KCNN2: variants seen among roughly 807,000 people sequenced by gnomAD.
KCNN2 encodes the protein potassium calcium-activated channel subfamily N member 2.
In KCNN2, 24 loss-of-function variants were observed where a neutral mutation model predicts 55.5. The ratio of observed to expected loss-of-function variants is 0.43; its 90% CI spans 0.31 to 0.61. The LOEUF (loss-of-function observed/expected upper bound fraction) is 0.61. Ranked by LOEUF, KCNN2 falls within the 20% of genes least tolerant of loss-of-function variation. The pLI, the probability that KCNN2 is intolerant of heterozygous loss-of-function variation, is 0.08. For synonymous variants in KCNN2, 431 were observed against 336.1 expected, an observed-to-expected ratio of 1.28 and a Z score of -3.09; for missense variants, 754 against 853.6, an observed-to-expected ratio of 0.88 and a Z score of 1.45.
chr5:114,416,059 C>G (rs1400021681), intron 3 of KCNN2, among the ~76,000 whole-genome samples: 1 of 152,138 alleles, frequency 6.6e-6, no homozygotes, highest in East Asian at 1.9e-4. Flanking sequence ...CTAGTAACCA[C>G]TATTTTCTAG....
In KCNN2 at chr5:114,403,234, G is replaced by A. The variant is rs151317216; in HGVS notation, c.1219-1204G>A. ...TTGGAGTCTTGGTGATTCTTAGCCC[G>A]TTTGGAAGTGGATTTGATTTTTGCA... On this transcript the variant is annotated intron_variant, in intron 2 of 7. Transcript: ENST00000673685. Among the ~76,000 whole-genome samples, 84 of 152,242 alleles carry A rather than the reference G, an allele frequency of 5.5e-4. 1 individual carries two copies. The highest frequency in any genetic ancestry group is 1.7e-3 in the African/African-American group (71 of 41,552).
chr5:114,145,373 G>T (rs921854756), intron 1 of KCNN2, among the ~76,000 whole-genome samples: 1 of 152,136 alleles, frequency 6.6e-6, no homozygotes, highest in African/African-American at 2.4e-5. Context: ...TTGAAGACAC[G>T]TTGAGAGGAC....
chr5:114,080,878 A>G lies in KCNN2; in HGVS notation c.-271+24378A>G, dbSNP rs553889593. On this transcript the variant is annotated intron_variant, in intron 1 of 10. Transcript: ENST00000512097. ...ATAAAAGACATCCAAATAGGAAAAG[A>G]AGAAGTAAAATTATCTCTGTTCAGA... is the stretch of plus-strand genomic sequence containing the variant. Among the ~76,000 whole-genome samples the G allele has an allele frequency of 2.4e-4, 36 of 152,290 alleles. No individual in the cohort carries two copies. In the South Asian group the frequency reaches 6.0e-3, roughly 25 times the overall value.
chr5:114,467,695 G>A (rs1478922678), intron 4 of KCNN2, among the ~76,000 whole-genome samples: 1 of 151,766 alleles, frequency 6.6e-6, no homozygotes, highest in Non-Finnish European at 1.5e-5. Context: ...TAAGTGGATC[G>A]CAAAAAAATG....
chr5:114,060,411 A>G (rs561684961), intron 1 of KCNN2, among the ~76,000 whole-genome samples: 1 of 152,372 alleles, frequency 6.6e-6, no homozygotes, highest in Non-Finnish European at 1.5e-5. Context: ...AGTGCCTGGC[A>G]CAGTGCCTGA....
intron 2 of KCNN2, among the ~76,000 whole-genome samples, chr5:114,232,069 T>C (rs1009672769): frequency 1.3e-5 from 2 of 151,166 alleles, no homozygotes; most frequent in African/African-American, 4.9e-5. Flanking sequence ...AGATAACTAA[T>C]ATTGCAAAAA....
intron 2 of KCNN2, among the ~76,000 whole-genome samples, chr5:114,280,059 A>G (rs1248529127): frequency 6.6e-6 from 1 of 152,190 alleles, no homozygotes; most frequent in African/African-American, 2.4e-5. Flanking sequence ...AGTGATGATG[A>G]GCATTTTTTC....
intron 1 of KCNN2, among the ~76,000 whole-genome samples, chr5:114,151,555 A>G (rs2112518265): frequency 6.6e-6 from 1 of 152,282 alleles, no homozygotes; most frequent in African/African-American, 2.4e-5. Context: ...CCAGAAAAAA[A>G]AAAAATTGGT....
At chr5:114,440,686 GT>G (rs1760172774) in intron 3 of KCNN2, among the ~76,000 whole-genome samples, 1 of 147,186 alleles carries the variant, frequency 6.8e-6, no homozygotes, top group Non-Finnish European at 1.5e-5. Flanking sequence ...TGGGGTGGGG[GT>G]GGGGGGGGCT....
rs192692652 is a variant in KCNN2 at position 114,338,591 on chromosome 5, C to T, written c.-184-22354C>T. On this transcript the variant is annotated intron_variant, in intron 2 of 10. Coordinates refer to the KCNN2 transcript ENST00000512097. The stretch of plus-strand genomic sequence containing the variant: ...AATTCAGGTCTTCCTTCCTACGTAG[C>T]TCTTCCTATTATTCTACATCACCAT... Among the ~76,000 whole-genome samples, 383 of 152,336 alleles carry T rather than the reference C, an allele frequency of 2.5e-3. 3 individuals carry two copies. The highest frequency in any genetic ancestry group is 0.012 in the South Asian group (56 of 4,822).
intron 1 of KCNN2, among the ~76,000 whole-genome samples, chr5:114,154,029 CAGGTTCTTGCAGT>C (rs1236728722): frequency 6.6e-6 from 1 of 152,152 alleles, no homozygotes; most frequent in African/African-American, 2.4e-5. Flanking sequence ...GTTCTGGCCC[CAGGTTCTTGCAGT>C]ATCACATGCC....
intron 1 of KCNN2, among the ~76,000 whole-genome samples, chr5:114,060,371 C>T (rs573181309): frequency 6.6e-6 from 1 of 152,256 alleles, no homozygotes; most frequent in African/African-American, 2.4e-5. Context: ...CAAATGGATC[C>T]CTTATGTCCC....
At chr5:114,419,568 G>A (rs1222542229) in intron 3 of KCNN2, among the ~76,000 whole-genome samples, 5 of 152,112 alleles carry the variant, frequency 3.3e-5, no homozygotes, top group African/African-American at 4.8e-5. Flanking sequence ...ACTACTTTTG[G>A]TACCAATGAT....
At chr5:114,388,326 A>G (rs1758348369) in intron 2 of KCNN2, among the ~76,000 whole-genome samples, 1 of 152,184 alleles carries the variant, frequency 6.6e-6, no homozygotes, top group South Asian at 2.1e-4. Flanking sequence ...TGCAATTTAT[A>G]TCCCATCTTC....
At chr5:114,448,627 C>G (rs1257251486) in intron 3 of KCNN2, among the ~76,000 whole-genome samples, 1 of 152,190 alleles carries the variant, frequency 6.6e-6, no homozygotes, top group Non-Finnish European at 1.5e-5. Flanking sequence ...TGAGAACTCT[C>G]TCAGCTCGCT....
At chr5:114,405,711 GTTTTGT>G (rs1758908951) in intron 3 of KCNN2, among the ~76,000 whole-genome samples, 1 of 121,556 alleles carries the variant, frequency 8.2e-6, no homozygotes, top group African/African-American at 4.0e-5. Flanking sequence ...GTTTTGTTTT[GTTTTGT>G]TTTTTTTTTT....
chr5:114,312,078 G>A (rs1057307089), intron 2 of KCNN2, among the ~76,000 whole-genome samples: 1 of 151,904 alleles, frequency 6.6e-6, no homozygotes, highest in African/African-American at 2.4e-5. Context: ...TAGAATGAAT[G>A]GAAAGAAAGC....
At chr5:114,292,018 A>G (rs936002045) in intron 2 of KCNN2, among the ~76,000 whole-genome samples, 6 of 150,908 alleles carry the variant, frequency 4.0e-5, no homozygotes, top group Non-Finnish European at 8.8e-5. Flanking sequence ...CATATCCTTC[A>G]CCCACTTTTT....
intron 2 of KCNN2, among the ~76,000 whole-genome samples, chr5:114,227,360 TATTCATAAAGC>T (rs1754257130): frequency 6.6e-6 from 1 of 152,216 alleles, no homozygotes; most frequent in Non-Finnish European, 1.5e-5. Context: ...AATTCCTTTT[TATTCATAAAGC>T]ATCCCTAGAT....
Sources: gnomAD v4.1 joint callset for allele counts (sites outside exome capture counted in the v4.1 genomes callset) on GRCh38, gnomAD v4.1.1 for gene constraint, MANE v1.5 for transcripts, NCBI Gene and HGNC (gene_info 2026-07-23, HGNC 2026-07-21) for gene names.